The following AKR1C1 variants were observed in gnomAD, a reference collection of about 807,000 sequenced individuals.
AKR1C1 encodes the protein 20 alpha-hydroxysteroid dehydrogenase.
Under a neutral mutation model 40.6 loss-of-function variants are expected in AKR1C1, and 32 were observed. The ratio of observed to expected loss-of-function variants is 0.79; its 90% confidence interval spans 0.60 to 1.06. The LOEUF (loss-of-function observed/expected upper bound fraction) is 1.06. Among genes scored for constraint, AKR1C1 ranks in the 50% least tolerant of loss-of-function variants. The probability of loss-of-function intolerance (pLI) is 0.00; values close to 1 mark genes in which losing one functional copy is unlikely to be tolerated. For missense variants in AKR1C1, 320 were observed against 363.5 expected (o/e 0.88, Z 0.97); for synonymous variants, 105 against 134.2 (o/e 0.78, Z 1.50).
At position 4,968,504 on chromosome 10, in the gene AKR1C1, C is replaced by A. The variant is rs1298634359; in HGVS notation, c.447+118C>A. 78 of 1,507,966 alleles carry A rather than the reference C, an allele frequency of 5.2e-5. No homozygotes were observed. The Admixed American group carries it at 1.5e-3, about 28-fold the overall frequency. 93.4% of individuals were successfully genotyped at this position (1,507,966 alleles called of 1,614,324 possible). A position where few individuals can be genotyped will look rare whatever the true frequency, so the allele number is the denominator to read the frequency against. On this transcript the variant is annotated intron_variant, in intron 4 of 8. Coordinates refer to ENST00000380872, the MANE Select transcript of AKR1C1 (RefSeq NM_001353.6). Reference sequence around the variant, plus strand: ...TTGGATCAAAAACTTAGGAACTTTACAAAGGTAGTTTTTGTGAGCAGTGAG... The same window carrying A: ...TTGGATCAAAAACTTAGGAACTTTAAAAAGGTAGTTTTTGTGAGCAGTGAG...
chr10:4,966,818 G>A (rs1176004525), intron 2 of AKR1C1, 109 bp from the exon 3 acceptor site: 9 of 910,084 alleles, frequency 9.9e-6, no homozygotes, highest in Non-Finnish European at 1.4e-5. Context: ...AATTTTGCCT[G>A]TGGTCATTAG....
intron 1 of AKR1C1, among the ~76,000 whole-genome samples, chr10:4,964,909 T>C (rs1260051570): frequency 6.6e-6 from 1 of 152,240 alleles, no homozygotes; most frequent in Non-Finnish European, 1.5e-5. Flanking sequence ...TGCTGGTATC[T>C]GATAAGGTGG....
rs1554770884 is a variant in AKR1C1 at position 4,979,647 on chromosome 10, G to T, written c.*1905G>T. The T allele has an allele frequency of 1.3e-5, 2 of 152,128 alleles. No homozygotes were observed. The highest frequency in any genetic ancestry group is 1.3e-4 in the Admixed American group (2 of 15,272). The allele number at this position is 152,128 out of a possible 1,614,324, so 9.4% of individuals were successfully genotyped here. ...TTTCAAGATGTGAAATAATCATTAG[G>T]TCAGTCATTTGTAAATAGTACATCT... On this transcript the variant is annotated 3_prime_UTR_variant, in exon 9 of 9. Transcript: ENST00000380872.
rs570920958 is a variant in AKR1C1 at position 4,971,579 on chromosome 10, C to T, written c.571-622C>T. On this transcript the variant is annotated intron_variant, in intron 5 of 8. Coordinates refer to ENST00000380872, the MANE Select transcript of AKR1C1 (RefSeq NM_001353.6). Reference sequence around the variant, plus strand: ...GACTCATGAGGGCAAGTGTAAAAGACAAAAGCACTTGTTTCATAGGGAACC... The same window carrying T: ...GACTCATGAGGGCAAGTGTAAAAGATAAAAGCACTTGTTTCATAGGGAACC... Among the ~76,000 whole-genome samples, 265 of 147,010 alleles carry T rather than the reference C, an allele frequency of 1.8e-3. 4 individuals carry two copies. The highest frequency in any genetic ancestry group is 6.2e-3 in the African/African-American group (252 of 40,328).
intron 7 of AKR1C1, among the ~76,000 whole-genome samples, chr10:4,975,381 G>A (rs527642003): frequency 6.6e-6 from 1 of 152,336 alleles, no homozygotes; most frequent in South Asian, 2.1e-4. Context: ...CCTTTTGAAT[G>A]TGAAATCGTT....
At chr10:4,977,369 A>C (rs1194196660) in intron 8 of AKR1C1, among the ~76,000 whole-genome samples, 1 of 152,216 alleles carries the variant, frequency 6.6e-6, no homozygotes, top group Non-Finnish European at 1.5e-5. Context: ...AAGGCAGTAT[A>C]GTTCCATTTT....
At chr10:4,975,322 C>G (rs1168466975) in intron 7 of AKR1C1, among the ~76,000 whole-genome samples, 1 of 152,118 alleles carries the variant, frequency 6.6e-6, no homozygotes, top group Non-Finnish European at 1.5e-5. Flanking sequence ...AGAGTGACAT[C>G]TTTTTGATAT....
At chr10:4,964,907 T>A (rs1836307845) in intron 1 of AKR1C1, among the ~76,000 whole-genome samples, 1 of 152,236 alleles carries the variant, frequency 6.6e-6, no homozygotes, top group Non-Finnish European at 1.5e-5. Flanking sequence ...CCTGCTGGTA[T>A]CTGATAAGGT....
In AKR1C1 at chr10:4,981,820, C is replaced by G. The variant is rs1836620806; in HGVS notation, c.*4078C>G. 6.6e-6 allele frequency: 1 copy of G among 152,242 alleles called. No homozygotes were observed. Among genetic ancestry groups the G allele is most frequent in the Admixed American group, 6.5e-5 (1 of 15,284 alleles). The allele number at this position is 152,242 out of a possible 1,614,324, so 9.4% of individuals were successfully genotyped here. A position where few individuals can be genotyped will look rare whatever the true frequency, so the allele number is the denominator to read the frequency against. ...TGCATGGCAGATATGAGCACAGAAG[C>G]TGGGTGTCCAGCCTTGTGGGCAGAC... On this transcript the variant is annotated 3_prime_UTR_variant, in exon 9 of 9. Transcript: ENST00000380872.
chr10:4,971,064 A>T (rs1356257658), intron 5 of AKR1C1, among the ~76,000 whole-genome samples: 2 of 152,074 alleles, frequency 1.3e-5, no homozygotes, highest in Non-Finnish European at 2.9e-5. Context: ...GATAATTCTC[A>T]ACAGAAGAAG....
intron 2 of AKR1C1, among the ~76,000 whole-genome samples, chr10:4,966,320 C>T (rs953382600): frequency 6.6e-6 from 1 of 152,192 alleles, no homozygotes; most frequent in Admixed American, 6.5e-5. Flanking sequence ...CAGCACAGAT[C>T]AATATGGTTT....
At chr10:4,977,602 A>G in intron 8 of AKR1C1, 98 bp from the exon 9 acceptor site, 1 of 1,428,186 alleles carries the variant, frequency 7.0e-7, no homozygotes. Flanking sequence ...GAACTTCTTA[A>G]CATCTACACT....
At chr10:4,964,298 G>A (rs1171412096) in intron 1 of AKR1C1, among the ~76,000 whole-genome samples, 1 of 152,118 alleles carries the variant, frequency 6.6e-6, no homozygotes, top group African/African-American at 2.4e-5. Flanking sequence ...ATAAAATTTG[G>A]GTTTCACATT....
At chr10:4,975,021 A>G (rs1482917402) in intron 7 of AKR1C1, among the ~76,000 whole-genome samples, 1 of 152,132 alleles carries the variant, frequency 6.6e-6, no homozygotes, top group African/African-American at 2.4e-5. Flanking sequence ...TTTCCAATGC[A>G]TGATCATAAT....
chr10:4,971,486 TCTA>T lies in AKR1C1; in HGVS notation c.571-712_571-710del, dbSNP rs1233718049. On this transcript the variant is annotated intron_variant, in intron 5 of 8. Coordinates refer to ENST00000380872, the MANE Select transcript of AKR1C1 (RefSeq NM_001353.6). The stretch of plus-strand genomic sequence containing the variant: ...TTTTACTCATTTTTTAATGCTCACA[TCTA>T]CTCAGCATATATATATTATATATAT... 2.0e-3 allele frequency among the ~76,000 whole-genome samples: 287 copies of T among 140,478 alleles called. 4 individuals are homozygous for T. The highest frequency in any genetic ancestry group is 7.5e-3 in the African/African-American group (282 of 37,504). The allele number at this position is 140,478 out of a possible 152,430, so 92.2% of individuals were successfully genotyped here.
chr10:4,970,263 C>T (rs1836401533), intron 5 of AKR1C1, among the ~76,000 whole-genome samples: 1 of 152,154 alleles, frequency 6.6e-6, no homozygotes, highest in Non-Finnish European at 1.5e-5. Flanking sequence ...ATTTGGTATC[C>T]AGTCCATATT....
rs569794223 is a variant in AKR1C1 at position 4,981,621 on chromosome 10, C to T, written c.*3879C>T. 1 of 152,238 alleles carries T rather than the reference C, an allele frequency of 6.6e-6. No individual in the cohort carries two copies. Among genetic ancestry groups the T allele is most frequent in the Non-Finnish European group, 1.5e-5 (1 of 68,048 alleles). 9.4% of individuals were successfully genotyped at this position (152,238 alleles called of 1,614,324 possible). ...ATACACTCTGAAGAAGTCTCAGGCA[C>T]AATCCTACTCCATGAAATAAGAAAA... On this transcript the variant is annotated 3_prime_UTR_variant, in exon 9 of 9. Transcript: ENST00000380872.
In AKR1C1 at chr10:4,977,684, T is replaced by C; in HGVS notation, c.930-16T>C. 1 of 1,612,306 alleles carries C rather than the reference T, an allele frequency of 6.2e-7. No homozygotes were observed. Reference sequence around the variant, plus strand: ...TCATTGCCATTCAGAGTGTGCATTTTTTTTTCTCTTTCCAGTTTTGCTGGC... The same window carrying C: ...TCATTGCCATTCAGAGTGTGCATTTCTTTTTCTCTTTCCAGTTTTGCTGGC... On this transcript the variant is annotated splice_polypyrimidine_tract_variant and intron_variant, in intron 8 of 8. Transcript: ENST00000380872.
In AKR1C1 at chr10:4,978,814, C is replaced by G. The variant is rs1472094496; in HGVS notation, c.*1072C>G. The G allele has an allele frequency of 1.3e-5, 2 of 152,184 alleles. No individual in the cohort carries two copies. The highest frequency in any genetic ancestry group is 4.8e-5 in the African/African-American group (2 of 41,446). The allele number at this position is 152,184 out of a possible 1,614,324, so 9.4% of individuals were successfully genotyped here. On this transcript the variant is annotated 3_prime_UTR_variant, in exon 9 of 9. Coordinates refer to ENST00000380872, the MANE Select transcript of AKR1C1 (RefSeq NM_001353.6). ...TCTTTTGGAAACAGGCTATGTAAAA[C>G]AGCACACTGGTTTCAAACTTTGGTA... is the stretch of plus-strand genomic sequence containing the variant.
Sources: gnomAD v4.1 joint callset for allele counts (sites outside exome capture counted in the v4.1 genomes callset) on GRCh38, gnomAD v4.1.1 for gene constraint, MANE v1.5 for transcripts, NCBI Gene and HGNC (gene_info 2026-07-23, HGNC 2026-07-21) for gene names.